CERS6: variants seen among roughly 807,000 people sequenced by gnomAD.
The protein encoded by CERS6 is LAG1 homolog, ceramide synthase 6.
Under a neutral mutation model 56.8 loss-of-function variants are expected in CERS6, and 26 were observed. That is an observed-to-expected ratio of 0.46 (90% confidence interval 0.34 to 0.63). CERS6 has a LOEUF of 0.63. Among genes scored for constraint, CERS6 ranks in the 30% least tolerant of loss-of-function variants. CERS6 has a pLI of 0.01. For missense variants in CERS6, 415 were observed against 467.5 expected, an observed-to-expected ratio of 0.89 and a Z score of 1.04; for synonymous variants, 164 against 173.3, an observed-to-expected ratio of 0.95 and a Z score of 0.42.
intron 3 of CERS6, among the ~76,000 whole-genome samples, chr2:168,627,684 G>A (rs1396723283): frequency 2.7e-5 from 4 of 150,678 alleles, no homozygotes; most frequent in Admixed American, 1.3e-4. Flanking sequence ...TCAGAACATC[G>A]CTTTGAATTG....
intron 3 of CERS6, among the ~76,000 whole-genome samples, chr2:168,588,251 T>C (rs903420207): frequency 6.6e-6 from 1 of 152,076 alleles, no homozygotes; most frequent in Non-Finnish European, 1.5e-5. Flanking sequence ...AAAATAGACA[T>C]AGCATAAAAC....
chr2:168,704,526 A>T (rs939630564), intron 6 of CERS6, among the ~76,000 whole-genome samples: 11 of 151,658 alleles, frequency 7.3e-5, no homozygotes, highest in Admixed American at 1.3e-4. Context: ...ATATAAACAA[A>T]CCCGTTCATC....
At chr2:168,562,405 C>G (rs1000223799) in intron 3 of CERS6, among the ~76,000 whole-genome samples, 1 of 152,188 alleles carries the variant, frequency 6.6e-6, no homozygotes, top group African/African-American at 2.4e-5. Context: ...GCACCAGCCT[C>G]TGAGTTCCCT....
chr2:168,657,455 G>A (rs1442277912), intron 4 of CERS6, among the ~76,000 whole-genome samples: 1 of 152,258 alleles, frequency 6.6e-6, no homozygotes, highest in East Asian at 1.9e-4. Context: ...TCAGCCCTTG[G>A]GTGGTCGATG....
intron 2 of CERS6, among the ~76,000 whole-genome samples, chr2:168,559,391 C>A (rs1695743667): frequency 6.6e-6 from 1 of 152,072 alleles, no homozygotes; most frequent in African/African-American, 2.4e-5. Context: ...TCTCACAGTT[C>A]TGGATGCTGG....
chr2:168,544,491 G>T (rs141982235), intron 1 of CERS6, among the ~76,000 whole-genome samples: 364 of 152,280 alleles, frequency 2.4e-3, no homozygotes, highest in African/African-American at 8.2e-3. Context: ...TCTCTTGGGG[G>T]CCCCACACAC....
intron 1 of CERS6, among the ~76,000 whole-genome samples, chr2:168,499,447 C>T (rs114388308): frequency 0.025 from 3,866 of 152,262 alleles, 82 homozygotes; most frequent in Non-Finnish European, 0.038. Flanking sequence ...ACCACACTTA[C>T]GACAAGGGTT....
chr2:168,495,435 C>G (rs940147010), intron 1 of CERS6, among the ~76,000 whole-genome samples: 7 of 152,204 alleles, frequency 4.6e-5, no homozygotes, highest in Admixed American at 2.0e-4. Flanking sequence ...ATGCAGTTTT[C>G]TGCTTTCAGA....
intron 3 of CERS6, among the ~76,000 whole-genome samples, chr2:168,614,790 T>C (rs1241416690): frequency 5.3e-5 from 8 of 152,216 alleles, no homozygotes; most frequent in African/African-American, 1.9e-4. Context: ...TGGCTCACTC[T>C]AGTAGCTGAA....
chr2:168,563,041 G>A (rs1381241052), intron 3 of CERS6, among the ~76,000 whole-genome samples: 1 of 152,152 alleles, frequency 6.6e-6, no homozygotes, highest in African/African-American at 2.4e-5. Context: ...CTTGGTGCCA[G>A]CCCCTACTAT....
At chr2:168,735,821 G>T (rs1044883418) in intron 8 of CERS6, among the ~76,000 whole-genome samples, 34 of 149,420 alleles carry the variant, frequency 2.3e-4, no homozygotes, top group African/African-American at 8.4e-4. Flanking sequence ...GATTGAGGCT[G>T]CAGTGAGCTG....
intron 8 of CERS6, among the ~76,000 whole-genome samples, chr2:168,726,648 A>G (rs1683363061): frequency 6.6e-6 from 1 of 152,236 alleles, no homozygotes; most frequent in Non-Finnish European, 1.5e-5. Flanking sequence ...CGGTAAAATA[A>G]TGGTAAATAC....
intron 2 of CERS6, among the ~76,000 whole-genome samples, chr2:168,554,262 G>A (rs934765901): frequency 1.3e-5 from 2 of 152,082 alleles, no homozygotes; most frequent in Non-Finnish European, 2.9e-5. Flanking sequence ...CACATAAATG[G>A]ACTTAATTCA....
chr2:168,567,083 G>T lies in CERS6; in HGVS notation c.407+5761G>T, dbSNP rs536948941. ...TGTGTAAATGCTGATTATAAGTCTG[G>T]GGAAAAAATCATAAGATTGGTGGAC... On this transcript the variant is annotated intron_variant, in intron 3 of 9. Coordinates refer to ENST00000305747, the MANE Select transcript of CERS6 (RefSeq NM_203463.3). 3.3e-5 allele frequency among the ~76,000 whole-genome samples: 5 copies of T among 152,248 alleles called. No individual in the cohort carries two copies. In the South Asian group the frequency reaches 1.0e-3, roughly 32 times the overall value.
chr2:168,723,576 T>C (rs987087527), intron 8 of CERS6, among the ~76,000 whole-genome samples: 1 of 152,162 alleles, frequency 6.6e-6, no homozygotes, highest in Non-Finnish European at 1.5e-5. Context: ...GAACATTGCA[T>C]CAGTTCTTCA....
chr2:168,676,938 A>C (rs1686075512), intron 4 of CERS6, among the ~76,000 whole-genome samples: 1 of 150,746 alleles, frequency 6.6e-6, no homozygotes, highest in Non-Finnish European at 1.5e-5. Flanking sequence ...GTTTGGTGCC[A>C]CTGTCTTGTT....
At chr2:168,738,786 A>G (rs1423249702) in intron 8 of CERS6, among the ~76,000 whole-genome samples, 3 of 152,224 alleles carry the variant, frequency 2.0e-5, no homozygotes, top group African/African-American at 4.8e-5. Context: ...GAAGCTTGCA[A>G]TCCAGTTCTA....
intron 4 of CERS6, among the ~76,000 whole-genome samples, chr2:168,666,208 T>G (rs1685757072): frequency 6.6e-6 from 1 of 152,136 alleles, no homozygotes; most frequent in Non-Finnish European, 1.5e-5. Context: ...ACTCTTAGTG[T>G]TGTATATTCT....
intron 5 of CERS6, among the ~76,000 whole-genome samples, chr2:168,691,514 G>T (rs1391950309): frequency 6.6e-6 from 1 of 152,182 alleles, no homozygotes; most frequent in Non-Finnish European, 1.5e-5. Flanking sequence ...CCTAGAAGCA[G>T]CCTCCAAATA....
Sources: allele counts gnomAD v4.1 joint callset (sites outside exome capture counted in the v4.1 genomes callset), GRCh38; gene constraint gnomAD v4.1.1; transcripts MANE v1.5; gene names NCBI Gene and HGNC (gene_info 2026-07-23, HGNC 2026-07-21).